The following RCBTB2 variants were observed in gnomAD, a reference collection of about 807,000 sequenced individuals.
The protein encoded by RCBTB2 is RCC1 and BTB domain containing protein 2, also known as RCC1 and BTB domain-containing protein 2.
Under a neutral mutation model 65.4 loss-of-function variants are expected in RCBTB2, and 55 were observed. The observed-to-expected ratio is 0.84, with a 90% CI of 0.68 to 1.05. The LOEUF (loss-of-function observed/expected upper bound fraction) is 1.05, where lower values mean the gene tolerates loss of function less well. RCBTB2 is among the 50% of genes least tolerant of loss of function. The pLI is 0.00. For missense variants in RCBTB2, 599 were observed against 680.1 expected (o/e 0.88, Z 1.33); for synonymous variants, 220 against 255.2 (o/e 0.86, Z 1.31).
intron 1 of RCBTB2, chr13:48,532,454 G>T (rs1438393185): frequency 6.5e-6 from 1 of 152,912 alleles, no homozygotes; most frequent in Non-Finnish European, 1.5e-5. Flanking sequence ...AGATTTATGG[G>T]ACGGGAGCCT....
intron 1 of RCBTB2, among the ~76,000 whole-genome samples, chr13:48,527,361 T>TGATATATATATATCATATA: frequency 1.8e-5 from 2 of 112,430 alleles, no homozygotes; most frequent in African/African-American, 1.1e-4. Context: ...TGATATATAT[T>TGATATATATATATCATATA]TATATATGAT....
chr13:48,532,741 G>A, intron 1 of RCBTB2: 7 of 298,744 alleles, frequency 2.3e-5, no homozygotes, highest in South Asian at 1.7e-4. Flanking sequence ...CCGGGCCCAC[G>A]CCAGCGGAAT....
intron 10 of RCBTB2, among the ~76,000 whole-genome samples, chr13:48,506,062 G>A (rs1017446656): frequency 2.0e-5 from 3 of 152,212 alleles, no homozygotes; most frequent in Non-Finnish European, 4.4e-5. Context: ...GCTCCTCAGG[G>A]AATATTTCAA....
Position 48,512,990 on chromosome 13 carries a change from A to C in RCBTB2, c.350-95T>G. ...CAGCTTCCACAAATGAAATCTAAAAATTCAGGTGCAAAAAGCTAATCAACT... is the reference window on the plus strand; with the variant it reads ...CAGCTTCCACAAATGAAATCTAAAACTTCAGGTGCAAAAAGCTAATCAACT... On this transcript the variant is annotated intron_variant, in intron 6 of 14. Transcript: ENST00000344532. 3.9e-6 allele frequency: 4 copies of C among 1,025,194 alleles called. No homozygotes were observed. The Admixed American group carries it at 8.0e-5, about 20-fold the overall frequency. 63.5% of individuals were successfully genotyped at this position (1,025,194 alleles called of 1,614,324 possible). A position where few individuals can be genotyped will look rare whatever the true frequency, so the allele number is the denominator to read the frequency against.
chr13:48,529,263 C>A (rs961427838), intron 1 of RCBTB2, among the ~76,000 whole-genome samples: 1 of 152,096 alleles, frequency 6.6e-6, no homozygotes, highest in Non-Finnish European at 1.5e-5. Context: ...AAAAAAAAAT[C>A]TTAACACGCC....
At chr13:48,525,475 A>G (rs1173191277) in intron 1 of RCBTB2, among the ~76,000 whole-genome samples, 1 of 147,724 alleles carries the variant, frequency 6.8e-6, no homozygotes, top group Non-Finnish European at 1.5e-5. Context: ...TACTCCTCCT[A>G]CATGAGATGC....
chr13:48,521,810 T>TTTTCCTATCGGTGACCAATAGG, intron 4 of RCBTB2, 88 bp downstream of exon 4: 1 of 1,206,590 alleles, frequency 8.3e-7, no homozygotes. Flanking sequence ...ATCTCATTGA[T>TTTTCCTATCGGTGACCAATAGG]TTTCCTATCG....
intron 14 of RCBTB2, among the ~76,000 whole-genome samples, chr13:48,493,285 CTCT>C (rs1949793718): frequency 8.5e-6 from 1 of 117,868 alleles, no homozygotes; most frequent in African/African-American, 4.7e-5. Context: ...CCCTCTCTCT[CTCT>C]CCACACACAC....
At chr13:48,532,898 A>G (rs1459548965) in intron 1 of RCBTB2, 130 bp downstream of exon 1, 2 of 441,010 alleles carry the variant, frequency 4.5e-6, no homozygotes, top group Non-Finnish European at 9.1e-6. Flanking sequence ...TGGGCCCCTC[A>G]GCTGTCTCTG....
chr13:48,493,413 G>A (rs1185300704), intron 14 of RCBTB2, among the ~76,000 whole-genome samples: 1 of 149,988 alleles, frequency 6.7e-6, no homozygotes, highest in Non-Finnish European at 1.5e-5. Context: ...CAGCCAGGAG[G>A]CAGGAGGATT....
chr13:48,498,001 T>G, intron 13 of RCBTB2, among the ~76,000 whole-genome samples: 1 of 152,220 alleles, frequency 6.6e-6, no homozygotes, highest in East Asian at 1.9e-4. Context: ...TAGACCACAC[T>G]TTGGGTACCT....
chr13:48,493,327 T>TCCACACACACACACACACACACACACA (rs1949819244), intron 14 of RCBTB2, among the ~76,000 whole-genome samples: 9 of 125,196 alleles, frequency 7.2e-5, no homozygotes, highest in African/African-American at 3.3e-4. Flanking sequence ...TCTCTCTCTC[T>TCCACACACACACACACACACACACACA]CTCTCTCTCT....
rs1328175095 is a variant in RCBTB2, at chr13:48,515,349, C to A, written c.205G>T (p.Val69Leu). Residue 69 changes from valine (V) to leucine (L), a missense_variant, in exon 6 of 15, where the codon GTG becomes TTG. Val to Leu is a conservative substitution (Grantham distance 32). Coordinates refer to ENST00000344532, the MANE Select transcript of RCBTB2 (RefSeq NM_001268.4). Reference sequence around the variant, plus strand: ...CAGCCACAGCAGTTTGTGCCAAGCACAAAAATCTATGGGAAAAACCACTGT... The same window carrying A: ...CAGCCACAGCAGTTTGTGCCAAGCAAAAAAATCTATGGGAAAAACCACTGT... ...LYTTVNDEIF[V>L]LGTNCCGCLG... The A allele has an allele frequency of 6.2e-7, 1 of 1,611,834 alleles. No individual in the cohort carries two copies. The highest frequency in any genetic ancestry group is 1.7e-5 in the Admixed American group (1 of 59,390).
chr13:48,500,011 A>G (rs1366135740), intron 12 of RCBTB2, among the ~76,000 whole-genome samples: 1 of 152,216 alleles, frequency 6.6e-6, no homozygotes, highest in Non-Finnish European at 1.5e-5. Flanking sequence ...GCTCCCTGGC[A>G]TCTCTCTCAC....
chr13:48,525,180 A>G (rs1204994045), intron 1 of RCBTB2, among the ~76,000 whole-genome samples: 1 of 151,742 alleles, frequency 6.6e-6, no homozygotes, highest in East Asian at 1.9e-4. Context: ...ATAAGACAGG[A>G]AAGCATAAAA....
rs529696407 is a variant in RCBTB2, at chr13:48,492,018, G to T, written c.1516-1767C>A. 2.6e-5 allele frequency among the ~76,000 whole-genome samples: 4 copies of T among 152,166 alleles called. No homozygotes were observed. In the South Asian group the frequency reaches 8.3e-4, roughly 32 times the overall value. On this transcript the variant is annotated intron_variant, in intron 14 of 14. Coordinates refer to ENST00000344532, the MANE Select transcript of RCBTB2 (RefSeq NM_001268.4). Reference sequence around the variant, plus strand: ...TGTATGGCTTCATGTTCAAAATGGGGCCCTCTGTTCTGTCCTGCAGTCCTA... The same window carrying T: ...TGTATGGCTTCATGTTCAAAATGGGTCCCTCTGTTCTGTCCTGCAGTCCTA...
At chr13:48,534,789 A>T (rs1294933405), upstream of RCBTB2, among the ~76,000 whole-genome samples, 3 of 152,252 alleles carry the variant, frequency 2.0e-5, no homozygotes, top group African/African-American at 7.2e-5. Flanking sequence ...AATTTGGTCT[A>T]CTAAACTTCA....
chr13:48,510,782 A>G lies in RCBTB2; in HGVS notation c.784-11T>C. Reference sequence around the variant, plus strand: ...GTAGCCACAGGCGACCTGGAAGGAAAAAAATCCACTCAGGACTGCAAATAT... The same window carrying G: ...GTAGCCACAGGCGACCTGGAAGGAAGAAAATCCACTCAGGACTGCAAATAT... On this transcript the variant is annotated splice_polypyrimidine_tract_variant and intron_variant, in intron 9 of 14. Transcript: ENST00000344532. 1 of 1,610,622 alleles carries G rather than the reference A, an allele frequency of 6.2e-7. No individual in the cohort carries two copies. The highest frequency in any genetic ancestry group is 8.5e-7 in the Non-Finnish European group (1 of 1,176,952).
intron 13 of RCBTB2, among the ~76,000 whole-genome samples, chr13:48,496,982 G>C (rs1305787773): frequency 6.6e-6 from 1 of 152,068 alleles, no homozygotes; most frequent in Non-Finnish European, 1.5e-5. Context: ...CTCCCATTCT[G>C]ACCTCAAGCC....
Sources: allele counts gnomAD v4.1 joint callset (sites outside exome capture counted in the v4.1 genomes callset), GRCh38; gene constraint gnomAD v4.1.1; transcripts MANE v1.5; gene names NCBI Gene and HGNC (gene_info 2026-07-23, HGNC 2026-07-21).